The following USH2A variants were observed in gnomAD, a reference collection of about 807,000 sequenced individuals.
USH2A encodes the protein Usher syndrome 2A (autosomal recessive, mild).
A neutral mutation model predicts 538.9 loss-of-function variants in USH2A; 443 were observed. The ratio of observed to expected loss-of-function variants is 0.82; its 90% CI spans 0.76 to 0.89. USH2A has a LOEUF of 0.89. Among genes scored for constraint, USH2A ranks in the 40% least tolerant of loss-of-function variants. The pLI, the probability that USH2A is intolerant of heterozygous loss-of-function variation, is 0.00. For missense variants in USH2A, 6,633 were observed against 6,324.8 expected (o/e 1.05, Z -1.65); for synonymous variants, 2,413 against 2,273.5 (o/e 1.06, Z -1.75).
intron 40 of USH2A, among the ~76,000 whole-genome samples, chr1:215,893,098 T>G (rs1403858450): frequency 6.6e-6 from 1 of 152,162 alleles, no homozygotes; most frequent in Non-Finnish European, 1.5e-5. Flanking sequence ...GTCATCACAT[T>G]CACTCCTTAT....
intron 58 of USH2A, among the ~76,000 whole-genome samples, chr1:215,744,338 A>C (rs1297664282): frequency 6.6e-6 from 1 of 152,206 alleles, no homozygotes; most frequent in African/African-American, 2.4e-5. Flanking sequence ...AGGTCTTGTC[A>C]GTTTAGCCTC....
chr1:216,239,182 CCAAAGCACA>C (rs2035886459), intron 13 of USH2A, among the ~76,000 whole-genome samples: 1 of 151,866 alleles, frequency 6.6e-6, no homozygotes, highest in Admixed American at 6.6e-5. Flanking sequence ...AATGTCCACC[CCAAAGCACA>C]CATTGCTCTT....
At chr1:216,367,318 T>C (rs2038618008) in intron 3 of USH2A, among the ~76,000 whole-genome samples, 3 of 152,228 alleles carry the variant, frequency 2.0e-5, no homozygotes, top group Admixed American at 1.3e-4. Context: ...TAGAAATGTA[T>C]GGCTAAAGCT....
At chr1:216,227,812 A>C (rs576431072) in intron 14 of USH2A, among the ~76,000 whole-genome samples, 4 of 152,268 alleles carry the variant, frequency 2.6e-5, no homozygotes, top group Admixed American at 1.3e-4. Context: ...AGGGGGAAAG[A>C]AAGTAAATTG....
intron 9 of USH2A, among the ~76,000 whole-genome samples, chr1:216,298,437 A>C (rs2037147996): frequency 6.6e-6 from 1 of 152,200 alleles, no homozygotes; most frequent in African/African-American, 2.4e-5. Context: ...CTAATTGTAA[A>C]TAAGACTGGA....
chr1:215,630,523 TATATGA>T (rs1313425558), intron 70 of USH2A, among the ~76,000 whole-genome samples: 16 of 121,574 alleles, frequency 1.3e-4, no homozygotes, highest in African/African-American at 5.0e-4. Flanking sequence ...TATATATATA[TATATGA>T]GAGAGAGAAA....
intron 43 of USH2A, among the ~76,000 whole-genome samples, chr1:215,868,813 C>T (rs79373113): frequency 0.011 from 1,609 of 152,218 alleles, 25 homozygotes; most frequent in African/African-American, 0.036. Flanking sequence ...CTGTCACAAG[C>T]CAAGGATTTC....
At chr1:215,805,536 C>T (rs4399128) in intron 49 of USH2A, among the ~76,000 whole-genome samples, 90,538 of 151,834 alleles carry the variant, frequency 0.6, 27,159 homozygotes, top group Admixed American at 0.69. Context: ...AATGCAAATG[C>T]ACTCAATGCC....
chr1:216,208,614 A>G (rs2035171463), intron 15 of USH2A, among the ~76,000 whole-genome samples: 1 of 152,098 alleles, frequency 6.6e-6, no homozygotes, highest in Non-Finnish European at 1.5e-5. Context: ...CTCTTTTGCT[A>G]TTTATGTCAG....
intron 13 of USH2A, 70 bp from the exon 14 acceptor site, chr1:216,232,206 G>T: frequency 6.7e-7 from 1 of 1,493,582 alleles, no homozygotes; most frequent in South Asian, 1.3e-5. Context: ...CATAATAATT[G>T]ATTACACAGA....
At chr1:215,731,483 T>C (rs926724214) in intron 60 of USH2A, among the ~76,000 whole-genome samples, 1 of 152,194 alleles carries the variant, frequency 6.6e-6, no homozygotes, top group African/African-American at 2.4e-5. Flanking sequence ...TTTAGAGAAA[T>C]CACATTTTCA....
intron 69 of USH2A, among the ~76,000 whole-genome samples, chr1:215,635,579 G>A (rs1029178907): frequency 1.2e-5 from 1 of 80,982 alleles, no homozygotes; most frequent in African/African-American, 3.6e-5. Flanking sequence ...TTTTTGAGAT[G>A]GAGTCTTGCT....
At chr1:216,234,006 C>T (rs956912303) in intron 13 of USH2A, among the ~76,000 whole-genome samples, 3 of 152,078 alleles carry the variant, frequency 2.0e-5, no homozygotes, top group South Asian at 4.1e-4. Context: ...AATACAGTTA[C>T]AGCAAATAAA....
intron 62 of USH2A, among the ~76,000 whole-genome samples, chr1:215,678,964 G>T (rs1338652301): frequency 6.6e-6 from 1 of 152,208 alleles, no homozygotes; most frequent in Non-Finnish European, 1.5e-5. Context: ...TGAGGGAAAA[G>T]GAGCTTTCTT....
At chr1:216,219,168 A>G (rs937283169) in intron 14 of USH2A, among the ~76,000 whole-genome samples, 2 of 152,048 alleles carry the variant, frequency 1.3e-5, no homozygotes, top group African/African-American at 4.8e-5. Context: ...TCCTTGATGT[A>G]GTTCTATTTT....
intron 64 of USH2A, among the ~76,000 whole-genome samples, chr1:215,658,873 T>C (rs1250598952): frequency 2.0e-5 from 3 of 152,234 alleles, no homozygotes; most frequent in Admixed American, 6.5e-5. Flanking sequence ...TTAAAATATA[T>C]ACTTTATCCA....
chr1:216,341,258 G>C (rs2038071710), intron 4 of USH2A, among the ~76,000 whole-genome samples: 1 of 152,042 alleles, frequency 6.6e-6, no homozygotes, highest in South Asian at 2.1e-4. Context: ...GCTACAAAGA[G>C]AGTAAAATAC....
At chr1:215,817,822 A>G (rs1271118339) in intron 47 of USH2A, among the ~76,000 whole-genome samples, 2 of 151,978 alleles carry the variant, frequency 1.3e-5, no homozygotes, top group Non-Finnish European at 2.9e-5. Context: ...ACAACTATCC[A>G]CAGCGGACTC....
rs1479003187 is a variant in USH2A at position 216,344,575 on chromosome 1, A to T, written c.785-16921T>A. 2.0e-5 allele frequency among the ~76,000 whole-genome samples: 3 copies of T among 152,116 alleles called. No homozygotes were observed. In the East Asian group the frequency reaches 5.8e-4, roughly 30 times the overall value. On this transcript the variant is annotated intron_variant, in intron 4 of 71. Transcript: ENST00000307340. ...TAACATCTTTCTGGTGAACCATGGA[A>T]GGGACAACACGGAGGAGACTCCCCT... is the stretch of plus-strand genomic sequence containing the variant.
Sources: gnomAD v4.1 joint callset for allele counts (sites outside exome capture counted in the v4.1 genomes callset) on GRCh38, gnomAD v4.1.1 for gene constraint, MANE v1.5 for transcripts, NCBI Gene and HGNC (gene_info 2026-07-23, HGNC 2026-07-21) for gene names.